Variants in PDIA5 observed in about 807,000 individuals in gnomAD.
PDIA5 encodes protein disulfide-isomerase A5.
PDIA5 carries 58 observed loss-of-function variants against 77.6 expected under a neutral mutation model. The observed-to-expected ratio is 0.75, with a 90% CI of 0.61 to 0.93. The LOEUF (loss-of-function observed/expected upper bound fraction) is 0.93. PDIA5 is among the 40% of genes least tolerant of loss of function. The pLI is 0.00. For synonymous variants in PDIA5, 250 were observed against 252.1 expected (o/e 0.99, Z 0.08); for missense variants, 630 against 647.7 (o/e 0.97, Z 0.30).
At chr3:123,146,648 G>A (rs1935779206) in intron 13 of PDIA5, among the ~76,000 whole-genome samples, 2 of 152,210 alleles carry the variant, frequency 1.3e-5, no homozygotes, top group Non-Finnish European at 2.9e-5. Flanking sequence ...TGGGCCTCCA[G>A]TAATGTCCAC....
At chr3:123,068,266 C>G (rs1336219992) in intron 1 of PDIA5, among the ~76,000 whole-genome samples, 1 of 152,204 alleles carries the variant, frequency 6.6e-6, no homozygotes, top group Non-Finnish European at 1.5e-5. Context: ...GGACACTGGG[C>G]AAATGGGAGG....
chr3:123,071,481 C>A (rs751874693), intron 1 of PDIA5, among the ~76,000 whole-genome samples: 1 of 152,046 alleles, frequency 6.6e-6, no homozygotes, highest in African/African-American at 2.4e-5. Context: ...TTCTCTGGGA[C>A]GATTATATAT....
At chr3:123,067,432 T>C (rs1197509817) in intron 1 of PDIA5, 1 of 404,374 alleles carries the variant, frequency 2.5e-6, no homozygotes, top group Non-Finnish European at 4.3e-6. Flanking sequence ...AGGAGGCAGC[T>C]GTGGGGCGCC....
intron 2 of PDIA5, among the ~76,000 whole-genome samples, chr3:123,092,142 T>C (rs1652603393): frequency 6.6e-6 from 1 of 151,838 alleles, no homozygotes; most frequent in African/African-American, 2.4e-5. Flanking sequence ...CTGAGTATGG[T>C]GGGATCAGGG....
At chr3:123,081,394 C>G (rs1934000580) in intron 1 of PDIA5, among the ~76,000 whole-genome samples, 1 of 152,222 alleles carries the variant, frequency 6.6e-6, no homozygotes, top group South Asian at 2.1e-4. Context: ...ACCACCAGCT[C>G]TAAATTCTCA....
At chr3:123,088,596 A>G (rs931883787) in intron 1 of PDIA5, among the ~76,000 whole-genome samples, 7 of 152,204 alleles carry the variant, frequency 4.6e-5, no homozygotes, top group African/African-American at 1.7e-4. Flanking sequence ...AACAATGCAG[A>G]ATGTTTATAC....
At chr3:123,153,082 A>G (rs899725464) in intron 14 of PDIA5, among the ~76,000 whole-genome samples, 1 of 151,422 alleles carries the variant, frequency 6.6e-6, no homozygotes, top group Admixed American at 6.6e-5. Flanking sequence ...CCCATTACTC[A>G]TTGGCCCCAC....
At chr3:123,103,794 T>G (rs550886510) in intron 5 of PDIA5, among the ~76,000 whole-genome samples, 1 of 152,312 alleles carries the variant, frequency 6.6e-6, no homozygotes, top group South Asian at 2.1e-4. Context: ...CCAACTAGAG[T>G]TGCTCAGCCC....
intron 1 of PDIA5, among the ~76,000 whole-genome samples, chr3:123,067,997 G>GT (rs749045172): frequency 2.0e-5 from 3 of 152,152 alleles, no homozygotes; most frequent in Non-Finnish European, 4.4e-5. Context: ...GCTACACTTG[G>GT]TGGGGGGGAC....
chr3:123,130,811 A>T (rs1935355325), intron 11 of PDIA5, among the ~76,000 whole-genome samples, 195 bp downstream of exon 11: 1 of 152,156 alleles, frequency 6.6e-6, no homozygotes, highest in Non-Finnish European at 1.5e-5. Flanking sequence ...ATTGCCATGG[A>T]AACAACACAG....
At chr3:123,107,070 T>C (rs561651461) in intron 6 of PDIA5, among the ~76,000 whole-genome samples, 1 of 152,334 alleles carries the variant, frequency 6.6e-6, no homozygotes, top group South Asian at 2.1e-4. Flanking sequence ...TTCTTCACCT[T>C]CCTTATTTAA....
chr3:123,131,683 A>C (rs1007040638), intron 11 of PDIA5, among the ~76,000 whole-genome samples: 4 of 150,768 alleles, frequency 2.7e-5, no homozygotes, highest in African/African-American at 9.8e-5. Flanking sequence ...AAAATCCTGT[A>C]AATGCTATCA....
At chr3:123,097,046 C>A (rs1934462172) in intron 3 of PDIA5, among the ~76,000 whole-genome samples, 1 of 152,320 alleles carries the variant, frequency 6.6e-6, no homozygotes, top group Non-Finnish European at 1.5e-5. Flanking sequence ...TTCCTGCTCT[C>A]CTCCCCATCT....
chr3:123,114,610 T>C (rs1683143606), intron 7 of PDIA5, among the ~76,000 whole-genome samples: 1 of 152,226 alleles, frequency 6.6e-6, no homozygotes, highest in Non-Finnish European at 1.5e-5. Context: ...CAGCCTCCTG[T>C]TTTCCACCCG....
intron 1 of PDIA5, among the ~76,000 whole-genome samples, chr3:123,070,917 G>GA (rs35265641): frequency 0.025 from 3,723 of 148,142 alleles, 152 homozygotes; most frequent in African/African-American, 0.083. Context: ...AGTCAAACTG[G>GA]AAAAAAAAAA....
intron 3 of PDIA5, among the ~76,000 whole-genome samples, chr3:123,096,983 C>G (rs942478219): frequency 2.0e-5 from 3 of 152,204 alleles, no homozygotes; most frequent in African/African-American, 7.2e-5. Flanking sequence ...CAGGTGCTTG[C>G]TACTTTCTTT....
chr3:123,116,387 GA>G, intron 8 of PDIA5, 89 bp downstream of exon 8: 1 of 997,908 alleles, frequency 1.0e-6, no homozygotes, highest in South Asian at 1.3e-5. Flanking sequence ...GACAGGTTTT[GA>G]AATGGTGAGG....
In PDIA5 at chr3:123,155,115, C is replaced by T. The variant is rs1048103906; in HGVS notation, c.1344+74C>T. ...CACCTTCCTTCTTGTCATTCAGGTC[C>T]TTCCCCAAACAGGGGCAGGTCTGCT... is the stretch of plus-strand genomic sequence containing the variant. On this transcript the variant is annotated intron_variant, in intron 15 of 16. Transcript: ENST00000316218. 14 of 1,049,958 alleles carry T rather than the reference C, an allele frequency of 1.3e-5. No individual in the cohort carries two copies. In the Admixed American group the frequency reaches 2.4e-4, roughly 18 times the overall value. The allele number at this position is 1,049,958 out of a possible 1,614,324, so 65.0% of individuals were successfully genotyped here.
Position 123,067,337 on chromosome 3 carries a change from G to A in PDIA5, c.42+131G>A, listed in dbSNP as rs533440242. On this transcript the variant is annotated intron_variant, in intron 1 of 16. Coordinates refer to ENST00000316218, the MANE Select transcript of PDIA5 (RefSeq NM_006810.4). ...GGGGCACCGGGATGAGGGCGTGCATGCCAGGCAGGCGGGCACTGGGTGCTA... is the reference window on the plus strand; with the variant it reads ...GGGGCACCGGGATGAGGGCGTGCATACCAGGCAGGCGGGCACTGGGTGCTA... The A allele has an allele frequency of 4.1e-4, 323 of 788,108 alleles. 4 individuals carry two copies. Among genetic ancestry groups the A allele is most frequent in the Non-Finnish European group, 2.4e-4 (139 of 582,656 alleles). The allele number at this position is 788,108 out of a possible 1,614,324, so 48.8% of individuals were successfully genotyped here.
Sources: gnomAD v4.1 joint callset for allele counts (sites outside exome capture counted in the v4.1 genomes callset) on GRCh38, gnomAD v4.1.1 for gene constraint, MANE v1.5 for transcripts, NCBI Gene and HGNC (gene_info 2026-07-23, HGNC 2026-07-21) for gene names.